Variants in RABGAP1L observed in about 807,000 individuals in gnomAD.
The protein encoded by RABGAP1L is rab GTPase-activating protein 1-like.
In RABGAP1L, 63 loss-of-function variants were observed where a neutral mutation model predicts 137.7. That is an observed-to-expected ratio of 0.46 (90% CI 0.37 to 0.56). The LOEUF (loss-of-function observed/expected upper bound fraction) is 0.56. Ranked by LOEUF, RABGAP1L falls within the 20% of genes least tolerant of loss-of-function variation. RABGAP1L has a pLI of 0.00. For missense variants in RABGAP1L, 1,095 were observed against 1,244.0 expected, an observed-to-expected ratio of 0.88 and a Z score of 1.80; for synonymous variants, 431 against 433.7, an observed-to-expected ratio of 0.99 and a Z score of 0.08.
chr1:174,728,176 T>C (rs1682152805), intron 17 of RABGAP1L, among the ~76,000 whole-genome samples: 1 of 152,250 alleles, frequency 6.6e-6, no homozygotes, highest in East Asian at 1.9e-4. Flanking sequence ...CTTTTATTTC[T>C]ATTTGTAACT....
intron 17 of RABGAP1L, among the ~76,000 whole-genome samples, chr1:174,742,378 G>A (rs1368523051): frequency 1.3e-5 from 2 of 151,790 alleles, no homozygotes; most frequent in Non-Finnish European, 1.5e-5. Flanking sequence ...TTAGTTGAGT[G>A]TAGTGGCGCA....
intron 13 of RABGAP1L, among the ~76,000 whole-genome samples, chr1:174,426,051 A>G (rs1335146609): frequency 5.9e-5 from 9 of 152,078 alleles, no homozygotes; most frequent in African/African-American, 2.2e-4. Context: ...TTTACAATCA[A>G]TCATTGTTCT....
chr1:174,413,914 C>A (rs968761329), intron 13 of RABGAP1L, among the ~76,000 whole-genome samples: 4 of 148,464 alleles, frequency 2.7e-5, no homozygotes, highest in Middle Eastern at 3.4e-3. Flanking sequence ...GGTCGAGCTC[C>A]CTGCTTAACT....
At chr1:174,544,350 C>A (rs1180726119) in intron 13 of RABGAP1L, among the ~76,000 whole-genome samples, 2 of 152,086 alleles carry the variant, frequency 1.3e-5, no homozygotes, top group African/African-American at 4.8e-5. Context: ...TTCATTTGAT[C>A]TTCAATCACT....
intron 24 of RABGAP1L, among the ~76,000 whole-genome samples, chr1:174,984,232 C>T (rs1162155727): frequency 6.6e-6 from 1 of 152,092 alleles, no homozygotes; most frequent in Non-Finnish European, 1.5e-5. Flanking sequence ...CTTCTGTGTC[C>T]ATGTGTTCTC....
intron 18 of RABGAP1L, among the ~76,000 whole-genome samples, chr1:174,804,976 TATAAC>T (rs1689131221): frequency 6.6e-6 from 1 of 152,196 alleles, no homozygotes; most frequent in African/African-American, 2.4e-5. Context: ...GGTTACAACT[TATAAC>T]AGAAGTTAAA....
At chr1:174,336,726 C>A (rs1357831994) in intron 11 of RABGAP1L, among the ~76,000 whole-genome samples, 1 of 152,206 alleles carries the variant, frequency 6.6e-6, no homozygotes, top group Non-Finnish European at 1.5e-5. Context: ...TCATTTAATC[C>A]TCTTATCAAC....
intron 13 of RABGAP1L, among the ~76,000 whole-genome samples, chr1:174,626,717 T>C (rs1185170352): frequency 2.0e-5 from 3 of 152,230 alleles, no homozygotes; most frequent in African/African-American, 7.2e-5. Flanking sequence ...TTTTGTATTA[T>C]TGTCTCTAGT....
chr1:174,567,173 C>T (rs576620098), intron 13 of RABGAP1L, among the ~76,000 whole-genome samples: 2 of 152,146 alleles, frequency 1.3e-5, no homozygotes, highest in Admixed American at 6.6e-5. Flanking sequence ...ACAATAACTC[C>T]CACCCTTCTA....
chr1:174,888,590 A>C (rs1285755147), intron 19 of RABGAP1L, among the ~76,000 whole-genome samples: 1 of 151,874 alleles, frequency 6.6e-6, no homozygotes, highest in Non-Finnish European at 1.5e-5. Context: ...CCCAGGCTGG[A>C]GTTCAAGTGA....
At chr1:174,910,759 G>T (rs1406848689) in intron 19 of RABGAP1L, among the ~76,000 whole-genome samples, 1 of 152,142 alleles carries the variant, frequency 6.6e-6, no homozygotes, top group Non-Finnish European at 1.5e-5. Flanking sequence ...GTAAGTCAGA[G>T]ACGATCTGTG....
Position 174,825,598 on chromosome 1 carries a change from G to T in RABGAP1L, c.2340+13638G>T, listed in dbSNP as rs184138513. Among the ~76,000 whole-genome samples, 30 of 152,274 alleles carry T rather than the reference G, an allele frequency of 2.0e-4. No individual in the cohort carries two copies. The South Asian group carries it at 3.7e-3, about 19-fold the overall frequency. ...CTCAACTTTTATTTTAGAATCGAGG[G>T]TGTGGCCAGGCATGGTGGCTCACAC... is the stretch of plus-strand genomic sequence containing the variant. On this transcript the variant is annotated intron_variant, in intron 19 of 25. Transcript: ENST00000681986.
chr1:174,485,483 T>G (rs1305844838), intron 13 of RABGAP1L, among the ~76,000 whole-genome samples: 1 of 152,180 alleles, frequency 6.6e-6, no homozygotes, highest in African/African-American at 2.4e-5. Flanking sequence ...GTCTGTTGTA[T>G]GTGGTTTTTA....
intron 19 of RABGAP1L, among the ~76,000 whole-genome samples, chr1:174,913,680 G>C (rs936915892): frequency 1.3e-5 from 2 of 152,108 alleles, no homozygotes; most frequent in African/African-American, 4.8e-5. Flanking sequence ...TAAATACTTA[G>C]CTTCTCTCTA....
intron 11 of RABGAP1L, among the ~76,000 whole-genome samples, chr1:174,323,735 T>A (rs935269590): frequency 4.6e-5 from 7 of 152,166 alleles, no homozygotes; most frequent in Admixed American, 4.6e-4. Context: ...CACATATACT[T>A]CTTTAAAGGA....
Position 174,367,655 on chromosome 1 carries a change from A to G in RABGAP1L, c.1466-3324A>G, listed in dbSNP as rs1684767199. 4 of 256,790 alleles carry G rather than the reference A, an allele frequency of 1.6e-5. No individual in the cohort carries two copies. In the South Asian group the frequency reaches 2.3e-4, roughly 14 times the overall value. The allele number at this position is 256,790 out of a possible 1,614,324, so 15.9% of individuals were successfully genotyped here. A position where few individuals can be genotyped will look rare whatever the true frequency, so the allele number is the denominator to read the frequency against. On this transcript the variant is annotated intron_variant, in intron 11 of 25. Transcript: ENST00000681986. ...GCTTGCCTTTCTTTTTAACACTGGA[A>G]AATAGTGTTCTGTATTCTTGTCACT...
At chr1:174,913,129 C>T (rs970266451) in intron 19 of RABGAP1L, among the ~76,000 whole-genome samples, 1 of 152,120 alleles carries the variant, frequency 6.6e-6, no homozygotes, top group Non-Finnish European at 1.5e-5. Flanking sequence ...GTGTATGCCA[C>T]CACGCCTGGC....
intron 13 of RABGAP1L, among the ~76,000 whole-genome samples, chr1:174,550,907 T>C (rs201955779): frequency 0.13 from 5,368 of 40,794 alleles, 332 homozygotes; most frequent in East Asian, 0.24. Context: ...CACACACACA[T>C]ATACACACAC....
intron 19 of RABGAP1L, among the ~76,000 whole-genome samples, chr1:174,920,687 G>T (rs1661646781): frequency 1.3e-5 from 2 of 152,104 alleles, no homozygotes; most frequent in South Asian, 4.1e-4. Flanking sequence ...GAGGTCATTG[G>T]GGAAGGTTCT....
Sources: gnomAD v4.1 joint callset for allele counts (sites outside exome capture counted in the v4.1 genomes callset) on GRCh38, gnomAD v4.1.1 for gene constraint, MANE v1.5 for transcripts, NCBI Gene and HGNC (gene_info 2026-07-23, HGNC 2026-07-21) for gene names.